SCAPER: variants seen among roughly 807,000 people sequenced by gnomAD.
SCAPER encodes S phase cyclin A-associated protein in the endoplasmic reticulum.
SCAPER carries 98 observed loss-of-function variants against 182.2 expected under a neutral mutation model. The ratio of observed to expected loss-of-function variants is 0.54; its 90% CI spans 0.46 to 0.64. The LOEUF (loss-of-function observed/expected upper bound fraction) is 0.64. SCAPER is among the 30% of genes least tolerant of loss of function. SCAPER has a pLI of 0.00. For missense variants in SCAPER, 1,432 were observed against 1,690.0 expected, an observed-to-expected ratio of 0.85 and a Z score of 2.68; for synonymous variants, 605 against 564.6, an observed-to-expected ratio of 1.07 and a Z score of -1.01.
At chr15:76,779,783 C>T (rs1005830197) in intron 8 of SCAPER, among the ~76,000 whole-genome samples, 3 of 150,868 alleles carry the variant, frequency 2.0e-5, no homozygotes, top group African/African-American at 7.3e-5. Context: ...GAGACGCAAA[C>T]ATTTTCAACA....
chr15:76,603,116 C>T lies in SCAPER; in HGVS notation c.2711+18648G>A, dbSNP rs59777128. On this transcript the variant is annotated intron_variant, in intron 22 of 31. Coordinates refer to ENST00000563290, the MANE Select transcript of SCAPER (RefSeq NM_020843.4). ...TAGTTACATATGTATACATGTGCCA[C>T]GTTGGTGTGCTGCACCCATTAACTC... Among the ~76,000 whole-genome samples the T allele has an allele frequency of 5.7e-3, 671 of 116,944 alleles. 66 individuals are homozygous for T. Among genetic ancestry groups the T allele is most frequent in the African/African-American group, 0.016 (635 of 38,922 alleles). The allele number at this position is 116,944 out of a possible 152,430, so 76.7% of individuals were successfully genotyped here.
chr15:76,563,711 A>G (rs1276429224), intron 23 of SCAPER, among the ~76,000 whole-genome samples: 1 of 152,212 alleles, frequency 6.6e-6, no homozygotes, highest in East Asian at 1.9e-4. Context: ...GAGATACAAC[A>G]AAGAAAACTT....
chr15:76,776,654 C>T (rs943662970), intron 8 of SCAPER, among the ~76,000 whole-genome samples: 5 of 152,144 alleles, frequency 3.3e-5, no homozygotes, highest in African/African-American at 1.2e-4. Context: ...GAGCCAGGAT[C>T]CCACCCCAAC....
At chr15:76,642,837 A>G (rs2054209571) in intron 21 of SCAPER, among the ~76,000 whole-genome samples, 1 of 152,218 alleles carries the variant, frequency 6.6e-6, no homozygotes, top group Non-Finnish European at 1.5e-5. Flanking sequence ...GATTTTTTCT[A>G]AGATTTTTGA....
chr15:76,890,688 C>A (rs1257149602), intron 1 of SCAPER, among the ~76,000 whole-genome samples: 2 of 152,072 alleles, frequency 1.3e-5, no homozygotes, highest in Non-Finnish European at 1.5e-5. Context: ...AGCCTACCAA[C>A]CAAAAAAAGT....
chr15:76,683,275 A>G (rs1469761688), intron 20 of SCAPER, among the ~76,000 whole-genome samples: 1 of 152,216 alleles, frequency 6.6e-6, no homozygotes, highest in Non-Finnish European at 1.5e-5. Context: ...AAATATTAAC[A>G]GCAGAATTGA....
chr15:76,735,018 C>T (rs1417845157), intron 15 of SCAPER, among the ~76,000 whole-genome samples: 1 of 151,994 alleles, frequency 6.6e-6, no homozygotes, highest in African/African-American at 2.4e-5. Context: ...AAATAAAACT[C>T]ACAAGGGAAA....
intron 17 of SCAPER, among the ~76,000 whole-genome samples, chr15:76,720,273 G>T (rs182473987): frequency 1.3e-5 from 2 of 151,924 alleles, no homozygotes; most frequent in Non-Finnish European, 2.9e-5. Flanking sequence ...ATTTTTTATG[G>T]CTGCATAGTA....
At chr15:76,561,727 T>C (rs2046641311) in intron 23 of SCAPER, among the ~76,000 whole-genome samples, 1 of 151,930 alleles carries the variant, frequency 6.6e-6, no homozygotes, top group Non-Finnish European at 1.5e-5. Flanking sequence ...TTTTTTTTTT[T>C]AGACGGAGTT....
chr15:76,399,764 G>C (rs911526993), intron 27 of SCAPER, among the ~76,000 whole-genome samples: 20 of 152,032 alleles, frequency 1.3e-4, no homozygotes, highest in African/African-American at 4.6e-4. Context: ...TAACACTTTG[G>C]GAGGCTGAGG....
chr15:76,903,609 G>A (rs1323749262), intron 1 of SCAPER, among the ~76,000 whole-genome samples: 1 of 152,122 alleles, frequency 6.6e-6, no homozygotes, highest in African/African-American at 2.4e-5. Flanking sequence ...TCTTGATCTA[G>A]GACTTCCCAG....
At chr15:76,508,985 T>G (rs995532525) in intron 23 of SCAPER, among the ~76,000 whole-genome samples, 3 of 152,156 alleles carry the variant, frequency 2.0e-5, no homozygotes, top group Non-Finnish European at 4.4e-5. Flanking sequence ...TACCAGTAGT[T>G]GTACACCAAG....
chr15:76,452,972 G>A (rs1015885570), intron 25 of SCAPER, among the ~76,000 whole-genome samples: 9 of 151,940 alleles, frequency 5.9e-5, no homozygotes, highest in South Asian at 4.2e-4. Context: ...CTGGGATTAC[G>A]GGTGTGTGCC....
chr15:76,367,214 T>C (rs1201856422), intron 29 of SCAPER, among the ~76,000 whole-genome samples: 1 of 152,232 alleles, frequency 6.6e-6, no homozygotes, highest in South Asian at 2.1e-4. Flanking sequence ...GCTGTAAAGC[T>C]GTAAAAGGAT....
intron 5 of SCAPER, among the ~76,000 whole-genome samples, chr15:76,813,299 T>C (rs1185265012): frequency 7.4e-6 from 1 of 134,900 alleles, no homozygotes; most frequent in Non-Finnish European, 1.5e-5. Context: ...CTCAATATAG[T>C]AGAAGTCATG....
At chr15:76,706,784 C>T (rs1043543136) in intron 17 of SCAPER, among the ~76,000 whole-genome samples, 13 of 151,976 alleles carry the variant, frequency 8.6e-5, no homozygotes, top group African/African-American at 2.7e-4. Context: ...TTACATACCA[C>T]TCCCCTCATG....
chr15:76,384,961 T>C (rs757724785), intron 27 of SCAPER, among the ~76,000 whole-genome samples: 6 of 152,196 alleles, frequency 3.9e-5, no homozygotes, highest in Admixed American at 6.5e-5. Context: ...AAAAAATACA[T>C]AGAAGATGTG....
At chr15:76,694,301 T>C (rs1033545713) in intron 20 of SCAPER, among the ~76,000 whole-genome samples, 25 of 152,172 alleles carry the variant, frequency 1.6e-4, no homozygotes, top group African/African-American at 6.0e-4. Context: ...GAAAAGACTT[T>C]TTACCTCCTT....
At chr15:76,627,012 T>C (rs2052645160) in intron 21 of SCAPER, among the ~76,000 whole-genome samples, 2 of 151,980 alleles carry the variant, frequency 1.3e-5, no homozygotes, top group South Asian at 2.1e-4. Context: ...CTTTCAAATA[T>C]ACTGTCACAA....
Sources: gnomAD v4.1 joint callset for allele counts (sites outside exome capture counted in the v4.1 genomes callset) on GRCh38, gnomAD v4.1.1 for gene constraint, MANE v1.5 for transcripts, NCBI Gene and HGNC (gene_info 2026-07-23, HGNC 2026-07-21) for gene names.